Variants in GRIA1 observed in about 807,000 individuals in gnomAD.
GRIA1 encodes the protein glutamate receptor 1.
In GRIA1, 31 loss-of-function variants were observed where a neutral mutation model predicts 99.2. The ratio of observed to expected loss-of-function variants is 0.31; its 90% CI spans 0.23 to 0.42. The LOEUF (loss-of-function observed/expected upper bound fraction) is 0.42. GRIA1 is among the 10% of genes least tolerant of loss of function. The pLI, the probability that GRIA1 is intolerant of heterozygous loss-of-function variation, is 1.00. For missense variants in GRIA1, 782 were observed against 1,157.5 expected (o/e 0.68, Z 4.71); for synonymous variants, 438 against 432.4 (o/e 1.01, Z -0.16).
At chr5:153,785,502 G>A (rs769541284) in intron 13 of GRIA1, among the ~76,000 whole-genome samples, 15 of 151,964 alleles carry the variant, frequency 9.9e-5, no homozygotes, top group Admixed American at 2.0e-4. Context: ...AAAAATTACC[G>A]TCTCTTATTA....
chr5:153,798,728 C>A (rs1163136894), intron 14 of GRIA1, among the ~76,000 whole-genome samples: 1 of 152,178 alleles, frequency 6.6e-6, no homozygotes, highest in Non-Finnish European at 1.5e-5. Flanking sequence ...AGTCTCTCTA[C>A]CCTAGGACTA....
rs368422570 is a variant in GRIA1 at position 153,750,109 on chromosome 5, G to A, written c.1824-14325G>A. On this transcript the variant is annotated intron_variant, in intron 11 of 15. Coordinates refer to ENST00000285900, the MANE Select transcript of GRIA1 (RefSeq NM_000827.4). The stretch of plus-strand genomic sequence containing the variant: ...GTGATTTGCAGCTGGTGACAAATGG[G>A]ATGATTTGCCACTCAGACGCAGCAT... Among the ~76,000 whole-genome samples the A allele has an allele frequency of 2.0e-5, 3 of 152,260 alleles. No homozygotes were observed. The East Asian group carries it at 5.8e-4, about 29-fold the overall frequency.
chr5:153,708,613 C>T (rs755778480), intron 11 of GRIA1, among the ~76,000 whole-genome samples: 17 of 152,180 alleles, frequency 1.1e-4, no homozygotes, highest in Admixed American at 3.9e-4. Context: ...ACACAGGAAG[C>T]GCTATAACTG....
At chr5:153,657,447 A>G (rs970077) in intron 5 of GRIA1, among the ~76,000 whole-genome samples, 39,602 of 152,176 alleles carry the variant, frequency 0.26, 5,992 homozygotes, top group Non-Finnish European at 0.34. Context: ...TATCTATAAC[A>G]AATTTTCAGG....
intron 2 of GRIA1, among the ~76,000 whole-genome samples, chr5:153,582,695 G>A (rs1213816545): frequency 6.6e-6 from 1 of 152,154 alleles, no homozygotes; most frequent in Non-Finnish European, 1.5e-5. Flanking sequence ...TCCAGAGTTG[G>A]GAGAGCACTT....
intron 2 of GRIA1, among the ~76,000 whole-genome samples, chr5:153,603,711 C>T (rs555592279): frequency 6.6e-6 from 1 of 152,254 alleles, no homozygotes; most frequent in Non-Finnish European, 1.5e-5. Flanking sequence ...AATGTGGTGT[C>T]ATGGTTAGTA....
At chr5:153,704,833 C>T (rs1039270106) in intron 10 of GRIA1, among the ~76,000 whole-genome samples, 4 of 152,290 alleles carry the variant, frequency 2.6e-5, no homozygotes, top group African/African-American at 9.6e-5. Flanking sequence ...TTGGATAACA[C>T]ATACCCCTTC....
At chr5:153,599,104 G>T (rs1001538820) in intron 2 of GRIA1, among the ~76,000 whole-genome samples, 1 of 152,066 alleles carries the variant, frequency 6.6e-6, no homozygotes, top group African/African-American at 2.4e-5. Context: ...GGATGGTCTC[G>T]ATCTCCTGAC....
At chr5:153,795,651 T>C in intron 14 of GRIA1, 1 of 964,952 alleles carries the variant, frequency 1.0e-6, no homozygotes, top group Non-Finnish European at 1.6e-6. Context: ...TGTTGAACAG[T>C]GTCCTCCGAG....
chr5:153,523,181 A>G (rs1005250916), intron 2 of GRIA1, among the ~76,000 whole-genome samples: 1 of 152,096 alleles, frequency 6.6e-6, no homozygotes, highest in Admixed American at 6.6e-5. Flanking sequence ...TCCGTAATTC[A>G]CTTCTAACCT....
At chr5:153,507,322 C>A (rs1651631003) in intron 2 of GRIA1, among the ~76,000 whole-genome samples, 1 of 152,082 alleles carries the variant, frequency 6.6e-6, no homozygotes, top group Non-Finnish European at 1.5e-5. Context: ...CATACCCCTG[C>A]AAGAATGAAG....
At chr5:153,658,154 G>A (rs951125895) in intron 5 of GRIA1, among the ~76,000 whole-genome samples, 2 of 152,134 alleles carry the variant, frequency 1.3e-5, no homozygotes, top group African/African-American at 4.8e-5. Flanking sequence ...ATAACTCCAG[G>A]TCATCTCTCA....
intron 13 of GRIA1, among the ~76,000 whole-genome samples, chr5:153,787,403 G>A (rs982436285): frequency 6.6e-6 from 1 of 152,162 alleles, no homozygotes; most frequent in African/African-American, 2.4e-5. Flanking sequence ...CACCATGTCA[G>A]TGACTACAGC....
intron 11 of GRIA1, among the ~76,000 whole-genome samples, chr5:153,752,860 T>G (rs1762587868): frequency 6.6e-6 from 1 of 152,264 alleles, no homozygotes. Context: ...TCTAGGTGGG[T>G]CTGGCCCAAT....
intron 11 of GRIA1, among the ~76,000 whole-genome samples, chr5:153,754,290 T>C (rs1318321726): frequency 6.6e-6 from 1 of 152,188 alleles, no homozygotes; most frequent in Non-Finnish European, 1.5e-5. Flanking sequence ...GTGAATCACA[T>C]GCAAATGAAG....
intron 2 of GRIA1, among the ~76,000 whole-genome samples, chr5:153,623,477 G>C (rs530550712): frequency 9.2e-5 from 14 of 152,252 alleles, no homozygotes; most frequent in South Asian, 2.1e-4. Flanking sequence ...GGAGCATTCA[G>C]TAAAAAAGAG....
At chr5:153,604,616 C>A (rs1348369207) in intron 2 of GRIA1, among the ~76,000 whole-genome samples, 1 of 152,126 alleles carries the variant, frequency 6.6e-6, no homozygotes, top group African/African-American at 2.4e-5. Flanking sequence ...CCAAACAGAA[C>A]CTCTATCGGG....
chr5:153,679,809 C>G (rs1756847369), intron 7 of GRIA1, among the ~76,000 whole-genome samples: 1 of 152,180 alleles, frequency 6.6e-6, no homozygotes, highest in African/African-American at 2.4e-5. Flanking sequence ...TTGTGTTAGA[C>G]CTGGGTTGTC....
At chr5:153,757,377 C>T (rs1439425874) in intron 11 of GRIA1, among the ~76,000 whole-genome samples, 1 of 151,962 alleles carries the variant, frequency 6.6e-6, no homozygotes, top group East Asian at 1.9e-4. Context: ...GGGTAGATGG[C>T]TTATGCAAAG....
Sources: allele counts gnomAD v4.1 joint callset (sites outside exome capture counted in the v4.1 genomes callset), GRCh38; gene constraint gnomAD v4.1.1; transcripts MANE v1.5; gene names NCBI Gene and HGNC (gene_info 2026-07-23, HGNC 2026-07-21).